Variants in LPA observed in about 807,000 individuals in gnomAD.
The protein encoded by LPA is lipoprotein(a).
Under a neutral mutation model 197.9 loss-of-function variants are expected in LPA, and 199 were observed. That is an observed-to-expected ratio of 1.01 (90% CI 0.90 to 1.13). The LOEUF (loss-of-function observed/expected upper bound fraction) is 1.13, where lower values mean the gene tolerates loss of function less well. Ranked by LOEUF, LPA falls within the 50% of genes most tolerant of loss-of-function variation. The pLI, the probability that LPA is intolerant of heterozygous loss-of-function variation, is 0.00. For missense variants in LPA, 1,853 were observed against 1,785.8 expected, an observed-to-expected ratio of 1.04 and a Z score of -0.68; for synonymous variants, 715 against 639.5, an observed-to-expected ratio of 1.12 and a Z score of -1.78.
intron 28 of LPA, among the ~76,000 whole-genome samples, chr6:160,575,084 T>G (rs954305995): frequency 2.5e-4 from 38 of 152,352 alleles, no homozygotes; most frequent in African/African-American, 8.9e-4. Context: ...TTCCTAGCTT[T>G]CTTTGATTTT....
chr6:160,573,351 T>C (rs1778596979), intron 28 of LPA, among the ~76,000 whole-genome samples: 1 of 152,166 alleles, frequency 6.6e-6, no homozygotes, highest in Non-Finnish European at 1.5e-5. Context: ...ATACCTTTTT[T>C]TTTTTGGATT....
At chr6:160,540,747 T>G (rs1377702858) in intron 35 of LPA, among the ~76,000 whole-genome samples, 1 of 152,196 alleles carries the variant, frequency 6.6e-6, no homozygotes, top group African/African-American at 2.4e-5. Context: ...CCAATTAAAC[T>G]CTTTTCTTTA....
intron 37 of LPA, among the ~76,000 whole-genome samples, chr6:160,534,308 A>G (rs1777851858): frequency 6.6e-6 from 1 of 152,230 alleles, no homozygotes; most frequent in Admixed American, 6.5e-5. Context: ...AGCAAGGCAA[A>G]CATCCTGATA....
chr6:160,595,650 C>T, intron 20 of LPA, 115 bp from the exon 21 acceptor site: 1 of 1,467,912 alleles, frequency 6.8e-7, no homozygotes, highest in Non-Finnish European at 9.4e-7. Flanking sequence ...AATATTTTCA[C>T]TAAAGGTCCC....
intron 28 of LPA, among the ~76,000 whole-genome samples, chr6:160,567,396 T>G (rs1350686049): frequency 6.6e-6 from 1 of 152,218 alleles, no homozygotes; most frequent in African/African-American, 2.4e-5. Context: ...GAGTGACTAC[T>G]GGGTATGTAA....
chr6:160,587,610 T>C (rs144738667), intron 24 of LPA, among the ~76,000 whole-genome samples: 1,681 of 152,294 alleles, frequency 0.011, 29 homozygotes, highest in African/African-American at 0.038. Context: ...ATTTGGCGTG[T>C]TGCGAGCCAT....
In LPA at chr6:160,542,809, C is replaced by G; in HGVS notation, c.5399-1G>C. On this transcript the variant is annotated splice_acceptor_variant, in intron 33 of 38. Transcript: ENST00000316300. LOFTEE classifies it high-confidence loss of function. ...TTCCCACAATCAAATGAAGAGGATG[C>G]TGTGGCACAAGGTGGGAAAAGAAGT... The G allele has an allele frequency of 6.2e-7, 1 of 1,613,910 alleles. No individual in the cohort carries two copies. Among genetic ancestry groups the G allele is most frequent in the Non-Finnish European group, 8.5e-7 (1 of 1,179,872 alleles).
intron 26 of LPA, among the ~76,000 whole-genome samples, chr6:160,582,229 GCATATTATTCCATT>G (rs1778815526): frequency 6.6e-6 from 1 of 150,758 alleles, no homozygotes; most frequent in Non-Finnish European, 1.5e-5. Context: ...TTTCTTCTTA[GCATATTATTCCATT>G]TTTTCTGACC....
intron 16 of LPA, among the ~76,000 whole-genome samples, chr6:160,607,514 G>A (rs745706976): frequency 3.9e-5 from 6 of 152,096 alleles, no homozygotes; most frequent in Admixed American, 6.5e-5. Context: ...GGACAGCTAC[G>A]GAGGAACACT....
At chr6:160,558,467 C>A (rs1778306926) in intron 28 of LPA, among the ~76,000 whole-genome samples, 1 of 152,082 alleles carries the variant, frequency 6.6e-6, no homozygotes, top group Non-Finnish European at 1.5e-5. Context: ...CCAGGTAGAT[C>A]AAGTGTGTCT....
In LPA at chr6:160,586,448, C is replaced by T. The variant is rs1778911677; in HGVS notation, c.4129+1G>A. 6.2e-7 allele frequency: 1 copy of T among 1,613,478 alleles called. No homozygotes were observed. Among genetic ancestry groups the T allele is most frequent in the Non-Finnish European group, 8.5e-7 (1 of 1,179,526 alleles). ...TGGTTGTCTGACTGCAGGCTTCTTA[C>T]CTTCTTCAGAAGGAAGCTCTGTGCT... is the stretch of plus-strand genomic sequence containing the variant. On this transcript the variant is annotated splice_donor_variant, in intron 25 of 38. Coordinates refer to ENST00000316300, the MANE Select transcript of LPA (RefSeq NM_005577.4). LOFTEE classifies it high-confidence loss of function.
intron 28 of LPA, among the ~76,000 whole-genome samples, chr6:160,576,690 GTATATATATATA>G (rs71033585): frequency 7.0e-4 from 54 of 76,656 alleles, no homozygotes; most frequent in Non-Finnish European, 1.1e-3. Flanking sequence ...GTGTGTGTGT[GTATATATATATA>G]TATATATATA....
At chr6:160,656,666 GA>G (rs541908947) in intron 1 of LPA, among the ~76,000 whole-genome samples, 137 of 152,266 alleles carry the variant, frequency 9.0e-4, no homozygotes, top group African/African-American at 3.0e-3. Flanking sequence ...TCTCCTTAGG[GA>G]AGGATGGGAG....
At chr6:160,659,679 G>T (rs1395572646) in intron 1 of LPA, among the ~76,000 whole-genome samples, 1 of 152,196 alleles carries the variant, frequency 6.6e-6, no homozygotes, top group African/African-American at 2.4e-5. Flanking sequence ...TTCCTCCCCA[G>T]AGAAGCACAG....
intron 26 of LPA, among the ~76,000 whole-genome samples, chr6:160,579,683 A>G (rs1383559767): frequency 6.6e-6 from 1 of 152,192 alleles, no homozygotes; most frequent in African/African-American, 2.4e-5. Flanking sequence ...CCTCACATTC[A>G]TGACCTGTGG....
At chr6:160,534,941 G>T (rs1027278644) in intron 37 of LPA, among the ~76,000 whole-genome samples, 3 of 149,888 alleles carry the variant, frequency 2.0e-5, no homozygotes, top group Non-Finnish European at 3.0e-5. Flanking sequence ...GTTAATGATG[G>T]TGATGGTGAT....
At chr6:160,579,334 AT>A (rs1270166679) in intron 26 of LPA, among the ~76,000 whole-genome samples, 1 of 152,162 alleles carries the variant, frequency 6.6e-6, no homozygotes, top group Non-Finnish European at 1.5e-5. Flanking sequence ...TACAGGACTT[AT>A]AAAAGCTTCC....
intron 2 of LPA, 137 bp downstream of exon 2, chr6:160,650,201 T>A: frequency 1.2e-6 from 1 of 812,824 alleles, no homozygotes. Context: ...TTGCTCAAAG[T>A]AATGTTTCTC....
chr6:160,650,629 C>G (rs1260933191), intron 1 of LPA, 132 bp from the exon 2 acceptor site: 14 of 825,720 alleles, frequency 1.7e-5, no homozygotes, highest in Non-Finnish European at 2.7e-5. Context: ...AGCAGGCAGA[C>G]AGACGTGCAA....
Sources: allele counts gnomAD v4.1 joint callset (sites outside exome capture counted in the v4.1 genomes callset), GRCh38; gene constraint gnomAD v4.1.1; transcripts MANE v1.5; gene names NCBI Gene and HGNC (gene_info 2026-07-23, HGNC 2026-07-21).